Variants in TRAPPC9 observed in about 807,000 individuals in gnomAD.
TRAPPC9 encodes the protein IKK2 binding protein.
TRAPPC9 carries 83 observed loss-of-function variants against 124.0 expected under a neutral mutation model. The ratio of observed to expected loss-of-function variants is 0.67; its 90% CI spans 0.56 to 0.80. The LOEUF is 0.80. Among genes scored for constraint, TRAPPC9 ranks in the 30% least tolerant of loss-of-function variants. The pLI, the probability that TRAPPC9 is intolerant of heterozygous loss-of-function variation, is 0.00. For synonymous variants in TRAPPC9, 638 were observed against 617.5 expected, an observed-to-expected ratio of 1.03 and a Z score of -0.49; for missense variants, 1,302 against 1,508.3, an observed-to-expected ratio of 0.86 and a Z score of 2.27.
At chr8:140,206,906 T>A (rs1191201197) in intron 17 of TRAPPC9, among the ~76,000 whole-genome samples, 4 of 152,088 alleles carry the variant, frequency 2.6e-5, no homozygotes, top group African/African-American at 9.7e-5. Flanking sequence ...GGAACAAGCA[T>A]CTGTCGAGCA....
intron 17 of TRAPPC9, among the ~76,000 whole-genome samples, chr8:140,157,055 A>G (rs71513613): frequency 0.031 from 1,491 of 48,782 alleles, 98 homozygotes; most frequent in Non-Finnish European, 0.045. Flanking sequence ...TTTCCATTCA[A>G]AAGCCTCCCT....
At chr8:140,125,984 G>T (rs1231751256) in intron 17 of TRAPPC9, among the ~76,000 whole-genome samples, 4 of 152,038 alleles carry the variant, frequency 2.6e-5, no homozygotes, top group Non-Finnish European at 1.5e-5. Context: ...GTGTTAGCCA[G>T]GATAGTCTCG....
intron 2 of TRAPPC9, among the ~76,000 whole-genome samples, chr8:140,449,071 G>A (rs62527784): frequency 4.6e-5 from 7 of 152,194 alleles, no homozygotes; most frequent in African/African-American, 1.4e-4. Context: ...AAGCACCACA[G>A]GCAGGTGCGA....
intron 19 of TRAPPC9, among the ~76,000 whole-genome samples, chr8:139,971,984 C>T (rs1836135008): frequency 6.6e-6 from 1 of 151,650 alleles, no homozygotes; most frequent in Non-Finnish European, 1.5e-5. Context: ...ACCATGCCCG[C>T]CTAAATTTTT....
chr8:139,785,096 GAATA>G (rs1262571830), intron 21 of TRAPPC9, among the ~76,000 whole-genome samples: 7 of 152,156 alleles, frequency 4.6e-5, no homozygotes, highest in Non-Finnish European at 1.0e-4. Context: ...AATTAAAACA[GAATA>G]AATAGTCCAG....
intron 5 of TRAPPC9, among the ~76,000 whole-genome samples, chr8:140,416,839 C>G (rs2069949170): frequency 6.6e-6 from 1 of 152,118 alleles, no homozygotes; most frequent in African/African-American, 2.4e-5. Flanking sequence ...CTACAGTAAC[C>G]AAAACAGCAT....
intron 2 of TRAPPC9, among the ~76,000 whole-genome samples, chr8:140,445,836 T>A (rs2071230821): frequency 6.6e-6 from 1 of 152,180 alleles, no homozygotes; most frequent in African/African-American, 2.4e-5. Flanking sequence ...AGTGAGGTGG[T>A]GGCAGCAGGT....
chr8:140,051,576 CTTTTTTTTTTTT>C (rs1197128988), intron 17 of TRAPPC9, among the ~76,000 whole-genome samples: 3 of 88,026 alleles, frequency 3.4e-5, no homozygotes, highest in African/African-American at 1.4e-4. Context: ...ATTGTTCATT[CTTTTTTTTTTTT>C]TTTTTTTTTT....
intron 21 of TRAPPC9, among the ~76,000 whole-genome samples, chr8:139,870,404 T>C (rs139319378): frequency 4.7e-4 from 71 of 152,336 alleles, no homozygotes; most frequent in African/African-American, 1.5e-3. Flanking sequence ...TTTTAAGAGA[T>C]TGCTCCATTT....
intron 15 of TRAPPC9, among the ~76,000 whole-genome samples, chr8:140,274,405 T>C (rs2065051981): frequency 6.6e-6 from 1 of 152,038 alleles, no homozygotes; most frequent in Admixed American, 6.5e-5. Context: ...TGCACATAAA[T>C]CACTAGAGGA....
At chr8:139,941,554 T>G (rs1833925009) in intron 19 of TRAPPC9, among the ~76,000 whole-genome samples, 2 of 152,206 alleles carry the variant, frequency 1.3e-5, no homozygotes, top group East Asian at 3.8e-4. Flanking sequence ...CTGTTTAGCC[T>G]TAACAAAGGC....
intron 9 of TRAPPC9, among the ~76,000 whole-genome samples, chr8:140,335,339 G>A (rs1308797128): frequency 2.0e-5 from 3 of 152,132 alleles, no homozygotes; most frequent in Non-Finnish European, 4.4e-5. Context: ...ACGATGGGAA[G>A]AGGGGAAATC....
intron 5 of TRAPPC9, among the ~76,000 whole-genome samples, chr8:140,417,876 C>T (rs2069996251): frequency 6.6e-6 from 1 of 152,212 alleles, no homozygotes; most frequent in Non-Finnish European, 1.5e-5. Flanking sequence ...GAATACTATG[C>T]AGCCATAAAA....
intron 20 of TRAPPC9, among the ~76,000 whole-genome samples, chr8:139,889,301 G>A (rs1350247048): frequency 6.6e-6 from 1 of 151,984 alleles, no homozygotes; most frequent in African/African-American, 2.4e-5. Context: ...AGACCCCTTC[G>A]CTTCAGCCAT....
intron 19 of TRAPPC9, among the ~76,000 whole-genome samples, chr8:139,922,462 G>A (rs1487517809): frequency 1.3e-5 from 2 of 152,234 alleles, no homozygotes; most frequent in Non-Finnish European, 2.9e-5. Context: ...GATTACAGGC[G>A]TGAGCCACCG....
chr8:139,899,120 CA>C (rs33927933), intron 20 of TRAPPC9, among the ~76,000 whole-genome samples: 118 of 45,462 alleles, frequency 2.6e-3, no homozygotes, highest in East Asian at 0.022. Flanking sequence ...AACTCCGTCT[CA>C]AAAAAAAAAA....
chr8:139,793,345 T>G (rs191722112), intron 21 of TRAPPC9, among the ~76,000 whole-genome samples: 5 of 152,284 alleles, frequency 3.3e-5, no homozygotes. Context: ...CTGCACTACT[T>G]GATGCCAGTC....
At chr8:139,860,264 A>G (rs1350512450) in intron 21 of TRAPPC9, among the ~76,000 whole-genome samples, 1 of 152,184 alleles carries the variant, frequency 6.6e-6, no homozygotes, top group Admixed American at 6.5e-5. Flanking sequence ...CCCACTGAAG[A>G]CCAGCCGGGT....
intron 17 of TRAPPC9, among the ~76,000 whole-genome samples, chr8:140,128,097 G>C (rs1563782256): frequency 6.6e-6 from 1 of 152,230 alleles, no homozygotes; most frequent in Non-Finnish European, 1.5e-5. Flanking sequence ...ATATACAAAA[G>C]TTAGAATTTA....
Sources: gnomAD v4.1 joint callset for allele counts (sites outside exome capture counted in the v4.1 genomes callset) on GRCh38, gnomAD v4.1.1 for gene constraint, MANE v1.5 for transcripts, NCBI Gene and HGNC (gene_info 2026-07-23, HGNC 2026-07-21) for gene names.